Variants in SGCG observed in about 807,000 individuals in gnomAD.
SGCG encodes gamma-sarcoglycan.
In SGCG, 26 loss-of-function variants were observed where a neutral mutation model predicts 29.3. The ratio of observed to expected loss-of-function variants is 0.89; its 90% CI spans 0.65 to 1.23. SGCG has a LOEUF of 1.23. Ranked by LOEUF, SGCG falls within the 50% of genes most tolerant of loss-of-function variation. The pLI is 0.00. For synonymous variants in SGCG, 145 were observed against 129.7 expected, an observed-to-expected ratio of 1.12 and a Z score of -0.80; for missense variants, 353 against 356.0, an observed-to-expected ratio of 0.99 and a Z score of 0.07.
intron 2 of SGCG, 44 bp downstream of exon 2, chr13:23,203,933 A>C (rs377001052): frequency 7.6e-7 from 1 of 1,316,156 alleles, no homozygotes; most frequent in African/African-American, 1.4e-5. Flanking sequence ...TGTTTTGTTC[A>C]CTGTATCACT....
At chr13:23,170,901 A>G in the SGCG span, among the ~76,000 whole-genome samples, 2 of 152,206 alleles carry the variant, frequency 1.3e-5, no homozygotes, top group Non-Finnish European at 2.9e-5. Flanking sequence ...GGTCAAGCCT[A>G]ATGACCTGCA....
intron 1 of SGCG, among the ~76,000 whole-genome samples, chr13:23,189,167 T>C (rs1565992598): frequency 6.6e-6 from 1 of 152,198 alleles, no homozygotes; most frequent in South Asian, 2.1e-4. Context: ...TCCACTTACA[T>C]ATTTGTTGAC....
upstream of SGCG, among the ~76,000 whole-genome samples, chr13:23,180,422 T>C (rs917126078): frequency 6.6e-6 from 1 of 152,202 alleles, no homozygotes; most frequent in South Asian, 2.1e-4. Context: ...ATTATGGTGA[T>C]CTTTGTTTAA....
intron 4 of SGCG, among the ~76,000 whole-genome samples, chr13:23,252,138 T>C (rs1469042448): frequency 6.6e-6 from 1 of 152,202 alleles, no homozygotes; most frequent in Non-Finnish European, 1.5e-5. Flanking sequence ...GTTCTTAAGA[T>C]GTATTTAAAA....
chr13:23,282,188 T>C (rs1881331279), intron 5 of SGCG, among the ~76,000 whole-genome samples: 1 of 152,196 alleles, frequency 6.6e-6, no homozygotes, highest in South Asian at 2.1e-4. Context: ...TTCCAGTATG[T>C]TAATGGCTTC....
At position 23,234,844 on chromosome 13, in the gene SGCG, T is replaced by G. The variant is rs73435024; in HGVS notation, c.297+132T>G. The G allele has an allele frequency of 3.3e-3, 2,184 of 670,846 alleles. 34 individuals carry two copies. In the African/African-American group the frequency reaches 0.033, roughly 10 times the overall value. The allele number at this position is 670,846 out of a possible 1,614,324, so 41.6% of individuals were successfully genotyped here. On this transcript the variant is annotated intron_variant, in intron 3 of 7. Coordinates refer to ENST00000218867, the MANE Select transcript of SGCG (RefSeq NM_000231.3). ...GCACATATTCATGATATGCTCTTTA[T>G]AAAAAGCTTGACTATTGCAGAATTT...
chr13:23,266,735 TTC>T (rs1314129161), intron 4 of SGCG, among the ~76,000 whole-genome samples: 4 of 152,076 alleles, frequency 2.6e-5, no homozygotes, highest in African/African-American at 9.7e-5. Context: ...AAATTCTCTC[TTC>T]TCTCTTCTCT....
At chr13:23,292,119 C>CTTTTTTTTTTTTTTTTTT (rs71100167) in intron 5 of SGCG, among the ~76,000 whole-genome samples, 24 of 147,518 alleles carry the variant, frequency 1.6e-4, no homozygotes, top group African/African-American at 3.8e-4. Context: ...ACATTTCTTT[C>CTTTTTTTTTTTTTTTTTT]TTTTTTTTGA....
intron 5 of SGCG, among the ~76,000 whole-genome samples, chr13:23,285,499 T>C (rs1029794644): frequency 5.3e-5 from 8 of 152,202 alleles, no homozygotes; most frequent in Non-Finnish European, 8.8e-5. Context: ...TAGACTGCTG[T>C]GTTGGCAGCA....
chr13:23,172,198 A>G, the SGCG span, among the ~76,000 whole-genome samples: 1 of 152,210 alleles, frequency 6.6e-6, no homozygotes, highest in African/African-American at 2.4e-5. Flanking sequence ...GGAGATGTCC[A>G]ATAAGCTCTA....
the SGCG span, among the ~76,000 whole-genome samples, chr13:23,160,984 T>C: frequency 2.0e-5 from 3 of 152,232 alleles, no homozygotes; most frequent in African/African-American, 4.8e-5. Context: ...GTGTGTGGTG[T>C]GAGAGAATCA....
chr13:23,301,882 A>G (rs1185938286), intron 6 of SGCG, among the ~76,000 whole-genome samples: 1 of 149,466 alleles, frequency 6.7e-6, no homozygotes, highest in African/African-American at 2.5e-5. Context: ...ACAGAGCAAG[A>G]CTCCATCTCA....
chr13:23,241,036 C>A (rs1426708135), intron 3 of SGCG, among the ~76,000 whole-genome samples: 1 of 150,950 alleles, frequency 6.6e-6, no homozygotes, highest in Non-Finnish European at 1.5e-5. Flanking sequence ...GTAGTCCCAG[C>A]TACTTGGGAG....
chr13:23,205,718 C>T (rs1877958821), intron 2 of SGCG, among the ~76,000 whole-genome samples: 1 of 152,106 alleles, frequency 6.6e-6, no homozygotes. Context: ...CCACAGAGAT[C>T]AGCACAGCCT....
rs1268630904 is a variant in SGCG at position 23,324,475 on chromosome 13, G to C, written c.810G>C (p.Gly270=). The C allele has an allele frequency of 1.2e-6, 2 of 1,613,884 alleles. No homozygotes were observed. Among genetic ancestry groups the C allele is most frequent in the East Asian group, 4.5e-5 (2 of 44,860 alleles). The part of the protein sequence containing the change: ...SLYEICVCPD[G]KLYLSVAGVS... ...ACGAAATCTGTGTGTGTCCAGATGG[G>C]AAGCTGTACCTGTCTGTGGCCGGTG... Residue 270 remains glycine (G), a synonymous_variant, in exon 8 of 8, where the codon GGG becomes GGC. Coordinates refer to ENST00000218867, the MANE Select transcript of SGCG (RefSeq NM_000231.3).
intron 6 of SGCG, among the ~76,000 whole-genome samples, chr13:23,317,315 GA>G (rs1404923703): frequency 6.6e-6 from 1 of 152,172 alleles, no homozygotes; most frequent in Non-Finnish European, 1.5e-5. Flanking sequence ...AGGTCAATGG[GA>G]AACTACAACA....
chr13:23,203,689 TG>T lies in SGCG; in HGVS notation c.1-4del, dbSNP rs764286219. 66 of 1,608,910 alleles carry T rather than the reference TG, an allele frequency of 4.1e-5. No individual in the cohort carries two copies. The South Asian group carries it at 6.8e-4, about 17-fold the overall frequency. On this transcript the variant is annotated splice_region_variant and splice_polypyrimidine_tract_variant and intron_variant, in intron 1 of 7. Coordinates refer to ENST00000218867, the MANE Select transcript of SGCG (RefSeq NM_000231.3). ...TCTCTCCTCTCGTGAACACACTCCGTGGCAGATGGTGCGTGAGCAGTACACT... is the reference window on the plus strand; with the variant it reads ...TCTCTCCTCTCGTGAACACACTCCGTGCAGATGGTGCGTGAGCAGTACACT...
intron 1 of SGCG, among the ~76,000 whole-genome samples, chr13:23,187,878 A>G (rs930767646): frequency 6.6e-6 from 1 of 152,232 alleles, no homozygotes; most frequent in African/African-American, 2.4e-5. Context: ...TACAAATGGC[A>G]TATATTTCTC....
At chr13:23,286,951 A>G (rs1848480331) in intron 5 of SGCG, among the ~76,000 whole-genome samples, 1 of 152,228 alleles carries the variant, frequency 6.6e-6, no homozygotes, top group Admixed American at 6.5e-5. Flanking sequence ...AAAATTGCAG[A>G]AAGTAAAACT....
Sources: gnomAD v4.1 joint callset for allele counts (sites outside exome capture counted in the v4.1 genomes callset) on GRCh38, gnomAD v4.1.1 for gene constraint, MANE v1.5 for transcripts, NCBI Gene and HGNC (gene_info 2026-07-23, HGNC 2026-07-21) for gene names.